PIGU: variants seen among roughly 807,000 people sequenced by gnomAD.
PIGU encodes the protein GPI-anchor transamidase component PIGU.
Under a neutral mutation model 49.9 loss-of-function variants are expected in PIGU, and 24 were observed. That is an observed-to-expected ratio of 0.48 (90% CI 0.35 to 0.68). The LOEUF is 0.68. PIGU is among the 30% of genes least tolerant of loss of function. PIGU has a pLI of 0.01. For missense variants in PIGU, 490 were observed against 532.6 expected (o/e 0.92, Z 0.79); for synonymous variants, 220 against 205.7 (o/e 1.07, Z -0.59).
chr20:34,668,485 G>GAAA (rs1383786806), intron 1 of PIGU, among the ~76,000 whole-genome samples: 2 of 98,798 alleles, frequency 2.0e-5, no homozygotes, highest in African/African-American at 8.5e-5. Flanking sequence ...AAAAAAAAAG[G>GAAA]GGGGGGCGGG....
At chr20:34,647,563 T>A (rs1209504157) in intron 2 of PIGU, among the ~76,000 whole-genome samples, 1 of 151,300 alleles carries the variant, frequency 6.6e-6, no homozygotes, top group Non-Finnish European at 1.5e-5. Flanking sequence ...CCCGGCCTAA[T>A]TTTTTTTTGT....
intron 7 of PIGU, among the ~76,000 whole-genome samples, chr20:34,590,683 T>C (rs1983931763): frequency 6.7e-6 from 1 of 149,930 alleles, no homozygotes; most frequent in South Asian, 2.1e-4. Flanking sequence ...AGGAAAAAAA[T>C]CAGTTATGCA....
At chr20:34,628,809 T>C (rs1267045771) in intron 6 of PIGU, among the ~76,000 whole-genome samples, 2 of 152,262 alleles carry the variant, frequency 1.3e-5, no homozygotes, top group African/African-American at 4.8e-5. Context: ...TGAGATCATG[T>C]CACTGCACTC....
At chr20:34,654,979 T>G (rs1333547580) in intron 2 of PIGU, among the ~76,000 whole-genome samples, 1 of 95,490 alleles carries the variant, frequency 1.0e-5, no homozygotes, top group Non-Finnish European at 2.1e-5. Context: ...CACTCCATCC[T>G]GGGCGACAGA....
chr20:34,637,824 G>T (rs1986014374), intron 5 of PIGU, 52 bp downstream of exon 5: 1 of 1,591,212 alleles, frequency 6.3e-7, no homozygotes, highest in Non-Finnish European at 8.5e-7. Flanking sequence ...AGTCTCATCA[G>T]ATTTTCCTCG....
chr20:34,581,779 C>G (rs1983483532), intron 9 of PIGU, 107 bp from the exon 10 acceptor site: 2 of 1,381,978 alleles, frequency 1.4e-6, no homozygotes. Flanking sequence ...CAGGGGACTT[C>G]AGGAAGGGGC....
intron 6 of PIGU, among the ~76,000 whole-genome samples, chr20:34,631,769 A>G (rs1280904535): frequency 3.1e-4 from 1 of 3,216 alleles, no homozygotes; most frequent in Non-Finnish European, 5.0e-4. Context: ...ATATATATAT[A>G]TATATATATA....
chr20:34,592,044 C>T (rs1346645870), intron 7 of PIGU, among the ~76,000 whole-genome samples: 3 of 151,772 alleles, frequency 2.0e-5, no homozygotes, highest in Non-Finnish European at 4.4e-5. Flanking sequence ...AAAAATTAGC[C>T]GGGCGTGGTG....
chr20:34,600,257 A>G (rs1006707208), intron 7 of PIGU, among the ~76,000 whole-genome samples: 1 of 152,044 alleles, frequency 6.6e-6, no homozygotes, highest in Non-Finnish European at 1.5e-5. Context: ...AAATACAAAA[A>G]TTAGCTGGAC....
intron 7 of PIGU, among the ~76,000 whole-genome samples, chr20:34,608,115 C>T (rs1403513615): frequency 2.7e-5 from 4 of 147,988 alleles, no homozygotes; most frequent in African/African-American, 1.0e-4. Context: ...TGCACTGTGG[C>T]CCAGGCTGGA....
chr20:34,597,978 G>A (rs1021533281), intron 7 of PIGU, among the ~76,000 whole-genome samples: 3 of 152,168 alleles, frequency 2.0e-5, no homozygotes, highest in African/African-American at 7.2e-5. Context: ...GGCTGAGGTG[G>A]TGGATCACCT....
At chr20:34,577,782 A>C (rs1467227242) in intron 10 of PIGU, among the ~76,000 whole-genome samples, 1 of 152,184 alleles carries the variant, frequency 6.6e-6, no homozygotes, top group African/African-American at 2.4e-5. Context: ...AGACTAGTCA[A>C]AGTCTCTAGG....
At chr20:34,634,788 C>G in intron 5 of PIGU, 73 bp from the exon 6 acceptor site, 3 of 1,555,268 alleles carry the variant, frequency 1.9e-6, no homozygotes, top group Non-Finnish European at 2.6e-6. Context: ...CAAGGAAGTT[C>G]CAAGAGATTT....
chr20:34,636,329 G>T (rs984510924), intron 5 of PIGU, among the ~76,000 whole-genome samples: 2 of 152,086 alleles, frequency 1.3e-5, no homozygotes, highest in Non-Finnish European at 2.9e-5. Flanking sequence ...GATCATTTGA[G>T]GTCAGGAGTT....
Position 34,644,145 on chromosome 20 carries a change from C to T in PIGU, c.318+19G>A. ...GTTACCAAATTCCACCAGCTTTGCT[C>T]CACCCACAAACTACTTACCACAACT... On this transcript the variant is annotated intron_variant, in intron 4 of 11. Transcript: ENST00000217446. 2 of 1,590,656 alleles carry T rather than the reference C, an allele frequency of 1.3e-6. No individual in the cohort carries two copies. Among genetic ancestry groups the T allele is most frequent in the Non-Finnish European group, 1.7e-6 (2 of 1,158,926 alleles).
chr20:34,658,179 G>T (rs1301373467), intron 1 of PIGU, among the ~76,000 whole-genome samples: 1 of 152,238 alleles, frequency 6.6e-6, no homozygotes, highest in Non-Finnish European at 1.5e-5. Flanking sequence ...TTTTTTGGTG[G>T]AGACGGGGTT....
At chr20:34,653,837 A>G (rs1427795497) in intron 2 of PIGU, among the ~76,000 whole-genome samples, 1 of 152,086 alleles carries the variant, frequency 6.6e-6, no homozygotes, top group African/African-American at 2.4e-5. Flanking sequence ...ATTCTTTGGA[A>G]GACTAAGGTG....
chr20:34,654,917 G>A (rs1417194575), intron 2 of PIGU, among the ~76,000 whole-genome samples: 1 of 114,726 alleles, frequency 8.7e-6, no homozygotes, highest in African/African-American at 3.3e-5. Context: ...AGGCAGAGGA[G>A]TCGCTTGAAC....
chr20:34,672,789 A>G (rs1987346641), intron 1 of PIGU, among the ~76,000 whole-genome samples: 1 of 145,288 alleles, frequency 6.9e-6, no homozygotes, highest in African/African-American at 2.5e-5. Flanking sequence ...CAGAAGGATG[A>G]GGCTGCAGAG....
Sources: gnomAD v4.1 joint callset for allele counts (sites outside exome capture counted in the v4.1 genomes callset) on GRCh38, gnomAD v4.1.1 for gene constraint, MANE v1.5 for transcripts, NCBI Gene and HGNC (gene_info 2026-07-23, HGNC 2026-07-21) for gene names.